USP43: variants seen among roughly 807,000 people sequenced by gnomAD.
USP43 encodes the protein ubiquitin specific peptidase 43, also known as ubiquitin carboxyl-terminal hydrolase 43.
Under a neutral mutation model 90.7 loss-of-function variants are expected in USP43, and 33 were observed. The ratio of observed to expected loss-of-function variants is 0.36; its 90% confidence interval spans 0.28 to 0.49. USP43 has a LOEUF of 0.49. Among genes scored for constraint, USP43 ranks in the 20% least tolerant of loss-of-function variants. The pLI is 0.98. For missense variants in USP43, 1,274 were observed against 1,476.4 expected, an observed-to-expected ratio of 0.86 and a Z score of 2.25; for synonymous variants, 598 against 615.8, an observed-to-expected ratio of 0.97 and a Z score of 0.43.
chr17:9,699,891 G>T (rs945818674), intron 9 of USP43, among the ~76,000 whole-genome samples: 1 of 152,178 alleles, frequency 6.6e-6, no homozygotes, highest in African/African-American at 2.4e-5. Context: ...GGGCTGCAGT[G>T]GAACAGCTGA....
chr17:9,693,605 G>T (rs1288038945), intron 9 of USP43, among the ~76,000 whole-genome samples: 25 of 152,174 alleles, frequency 1.6e-4, no homozygotes. Flanking sequence ...GGAGGCTGAG[G>T]TGGGTGGATT....
Position 9,709,028 on chromosome 17 carries a change from T to C in USP43, c.2012-928T>C, listed in dbSNP as rs1916041391. On this transcript the variant is annotated intron_variant, in intron 12 of 14. Coordinates refer to ENST00000285199, the MANE Select transcript of USP43 (RefSeq NM_153210.5). The surrounding 1 kb of genome is among the most constrained non-coding windows in gnomAD (Gnocchi z 5.0). ...CGCAGAATATGCGACAGAGAATATA[T>C]GTGGCCATATGTGACCTGCAAAGTC... 6.6e-6 allele frequency among the ~76,000 whole-genome samples: 1 copy of C among 152,144 alleles called. No homozygotes were observed. The highest frequency in any genetic ancestry group is 1.5e-5 in the Non-Finnish European group (1 of 68,028).
chr17:9,714,797 AG>A (rs1916406787), intron 14 of USP43, among the ~76,000 whole-genome samples: 1 of 152,000 alleles, frequency 6.6e-6, no homozygotes, highest in Non-Finnish European at 1.5e-5. Context: ...GCAGCCAGTG[AG>A]GGGAAGAAAA....
At chr17:9,675,727 T>C (rs1410118367) in intron 4 of USP43, among the ~76,000 whole-genome samples, 1 of 152,208 alleles carries the variant, frequency 6.6e-6, no homozygotes, top group East Asian at 1.9e-4. Flanking sequence ...GGCAACTCAA[T>C]CTCCCTTTCT....
At chr17:9,721,324 T>C (rs2152001227) in intron 14 of USP43, among the ~76,000 whole-genome samples, 1 of 152,302 alleles carries the variant, frequency 6.6e-6, no homozygotes, top group Non-Finnish European at 1.5e-5. Flanking sequence ...TAGTATTTCA[T>C]TTCGGTTTTG....
rs752681675 is a variant in USP43 at position 9,682,899 on chromosome 17, T to C, written c.1182T>C (p.Ser394=). Residue 394 remains serine, a synonymous_variant, in exon 7 of 15, where the codon AGT becomes AGC. Transcript: ENST00000285199. ...AGCGATTCTCCCTCTCTCTCCACAG[T>C]GAGAGCAAGGTGCTAATCCTCTTCT... The part of the protein sequence containing the change: ...EGQRFSLSLH[S]ESKVLILFCN... 3 of 1,614,018 alleles carry C rather than the reference T, an allele frequency of 1.9e-6. No individual in the cohort carries two copies. Among genetic ancestry groups the C allele is most frequent in the South Asian group, 1.1e-5 (1 of 91,086 alleles).
intron 12 of USP43, among the ~76,000 whole-genome samples, chr17:9,704,695 A>C (rs1372857663): frequency 6.6e-6 from 1 of 151,912 alleles, no homozygotes. Flanking sequence ...GGTTTCTGAC[A>C]CGCCCAGTAC....
chr17:9,682,591 T>C (rs899590617), intron 6 of USP43, among the ~76,000 whole-genome samples: 15 of 152,088 alleles, frequency 9.9e-5, no homozygotes, highest in Non-Finnish European at 1.9e-4. Flanking sequence ...CAAAAAACTA[T>C]TGGGTGAACA....
At chr17:9,652,316 A>G (rs1372669391) in intron 1 of USP43, among the ~76,000 whole-genome samples, 2 of 151,680 alleles carry the variant, frequency 1.3e-5, no homozygotes, top group African/African-American at 4.8e-5. Flanking sequence ...CTGTTTGGGA[A>G]CTGCTTTGTG....
intron 14 of USP43, among the ~76,000 whole-genome samples, chr17:9,717,821 G>A (rs1255160041): frequency 1.4e-5 from 2 of 145,974 alleles, no homozygotes; most frequent in Non-Finnish European, 3.0e-5. Flanking sequence ...TTTTTGAGGC[G>A]GAGTCTTGTT....
At chr17:9,680,413 A>G in intron 6 of USP43, 47 bp downstream of exon 6, 1 of 1,603,162 alleles carries the variant, frequency 6.2e-7, no homozygotes, top group Admixed American at 1.7e-5. Context: ...GATGAGTTAC[A>G]GGTTTCAGAG....
chr17:9,675,343 A>G (rs922104870), intron 4 of USP43, among the ~76,000 whole-genome samples: 3 of 152,188 alleles, frequency 2.0e-5, no homozygotes, highest in African/African-American at 7.2e-5. Flanking sequence ...CAACTTCAAA[A>G]ATCTATTTTC....
At chr17:9,650,592 G>A (rs1457294543) in intron 1 of USP43, among the ~76,000 whole-genome samples, 2 of 152,046 alleles carry the variant, frequency 1.3e-5, no homozygotes, top group Non-Finnish European at 2.9e-5. Flanking sequence ...TAGTAGACAC[G>A]GGGTTTCGCC....
chr17:9,693,056 G>T, intron 8 of USP43, 71 bp from the exon 9 acceptor site: 1 of 1,033,646 alleles, frequency 9.7e-7, no homozygotes, highest in Non-Finnish European at 1.5e-6. Context: ...TAATGTATGC[G>T]CCCCTTTAGA....
intron 3 of USP43, among the ~76,000 whole-genome samples, chr17:9,673,653 G>A (rs73255760): frequency 6.6e-6 from 1 of 152,158 alleles, no homozygotes; most frequent in Non-Finnish European, 1.5e-5. Flanking sequence ...CGACTTCTAC[G>A]AAAGAACGCA....
At chr17:9,715,318 T>C (rs1435804160) in intron 14 of USP43, among the ~76,000 whole-genome samples, 2 of 152,118 alleles carry the variant, frequency 1.3e-5, no homozygotes, top group South Asian at 2.1e-4. Context: ...CCAGGCATGG[T>C]GGCATGTGCC....
Position 9,728,733 on chromosome 17 carries a change from C to T in USP43, c.3115C>T (p.Pro1039Ser), listed in dbSNP as rs768702133. ...GLSPAMDGQA[P>S]GSPPALRIPE... ...GAGCCCTGCCATGGACGGGCAGGCT[C>T]CAGGCTCACCTCCTGCCCTCAGGAT... Residue 1039 changes from proline (P) to serine (S), a missense_variant, in exon 15 of 15, where the codon CCA (proline) becomes TCA (serine). This residue lies in a region of USP43 where 353 missense variants were observed against 329.7 expected (regional missense o/e 1.07). Transcript: ENST00000285199. The surrounding 1 kb of genome is among the most constrained non-coding windows in gnomAD (Gnocchi z 6.2). 3.7e-6 allele frequency: 6 copies of T among 1,601,106 alleles called. No individual in the cohort carries two copies. The South Asian group carries it at 4.5e-5, about 12-fold the overall frequency.
intron 8 of USP43, among the ~76,000 whole-genome samples, chr17:9,690,260 G>A (rs8078574): frequency 0.32 from 48,643 of 151,918 alleles, 9,109 homozygotes; most frequent in East Asian, 0.63. Flanking sequence ...TTCAACCTAG[G>A]TTTCCTCCAT....
At chr17:9,717,360 A>AGTGTGTGTGTGTGTGTGT (rs56058514) in intron 14 of USP43, among the ~76,000 whole-genome samples, 1 of 145,570 alleles carries the variant, frequency 6.9e-6, no homozygotes, top group African/African-American at 2.5e-5. Flanking sequence ...GCTTGGGCAC[A>AGTGTGTGTGTGTGTGTGT]GTGTGTGTGT....
Sources: allele counts gnomAD v4.1 joint callset (sites outside exome capture counted in the v4.1 genomes callset), GRCh38; gene constraint gnomAD v4.1.1; regional missense constraint gnomAD v4.1.1; non-coding constraint Gnocchi (gnomAD v3.1); transcripts MANE v1.5; gene names NCBI Gene and HGNC (gene_info 2026-07-23, HGNC 2026-07-21).